Variants in BDNF observed in about 807,000 individuals in gnomAD.
The protein encoded by BDNF is neurotrophic factor BDNF precursor form.
In BDNF, 1 loss-of-function variant was observed where a neutral mutation model predicts 19.5. The ratio of observed to expected loss-of-function variants is 0.05; its 90% CI spans 0.02 to 0.24. The LOEUF (loss-of-function observed/expected upper bound fraction) is 0.24, where lower values mean the gene tolerates loss of function less well. BDNF is among the 10% of genes least tolerant of loss of function. The pLI, the probability that BDNF is intolerant of heterozygous loss-of-function variation, is 1.00. For missense variants in BDNF, 195 were observed against 317.6 expected, an observed-to-expected ratio of 0.61 and a Z score of 2.93; for synonymous variants, 100 against 121.6, an observed-to-expected ratio of 0.82 and a Z score of 1.17.
intron 1 of BDNF, chr11:27,719,541 G>A (rs924448334): frequency 6.1e-6 from 6 of 985,336 alleles, no homozygotes; most frequent in Non-Finnish European, 7.2e-6. Context: ...GGCCCGGCTG[G>A]GGAGCGGAGC....
At chr11:27,669,286 C>A (rs1397837073) in intron 1 of BDNF, among the ~76,000 whole-genome samples, 1 of 152,112 alleles carries the variant, frequency 6.6e-6, no homozygotes, top group East Asian at 1.9e-4. Context: ...CACGACAAAC[C>A]CACAGCCAAT....
At chr11:27,677,895 C>T (rs1856378532) in intron 1 of BDNF, 1 of 152,150 alleles carries the variant, frequency 6.6e-6, no homozygotes. Context: ...AGTTCCTTTG[C>T]TTGTTTTTCC....
Position 27,710,201 on chromosome 11 carries a change from G to A in BDNF, c.3+11211C>T, listed in dbSNP as rs551155564. Reference sequence around the variant, plus strand: ...GGATGAAGTCTCTTCATAGACTTCCGCATCTTTGATTACTTATATGCCTTT... The same window carrying A: ...GGATGAAGTCTCTTCATAGACTTCCACATCTTTGATTACTTATATGCCTTT... On this transcript the variant is annotated intron_variant, in intron 1 of 1. Transcript: ENST00000314915. Among the ~76,000 whole-genome samples the A allele has an allele frequency of 6.0e-4, 92 of 152,272 alleles. No individual in the cohort carries two copies. The South Asian group carries it at 0.016, about 27-fold the overall frequency.
rs1244729495 is a variant in BDNF at position 27,692,131 on chromosome 11, T to C, written c.-22+8033A>G. On this transcript the variant is annotated intron_variant, in intron 1 of 1. Coordinates refer to ENST00000356660, the MANE Select transcript of BDNF (RefSeq NM_001709.5). ...GGGATTTCTGATACTCAATTCATGA[T>C]GCTAAACACTTCAAGTAGATGATTC... Among the ~76,000 whole-genome samples, 4 of 152,196 alleles carry C rather than the reference T, an allele frequency of 2.6e-5. No homozygotes were observed. In the East Asian group the frequency reaches 7.7e-4, roughly 29 times the overall value.
chr11:27,715,110 G>A (rs1860464809), intron 1 of BDNF, among the ~76,000 whole-genome samples: 1 of 152,136 alleles, frequency 6.6e-6, no homozygotes. Context: ...CAAATTATGT[G>A]TTGCCAATTA....
intron 1 of BDNF, among the ~76,000 whole-genome samples, chr11:27,693,263 A>G (rs188479452): frequency 0.011 from 1,724 of 152,314 alleles, 98 homozygotes; most frequent in Admixed American, 0.097. Context: ...AGCTATGATA[A>G]CAGCCTCTTG....
chr11:27,689,386 G>A (rs140478137), intron 1 of BDNF, among the ~76,000 whole-genome samples: 2 of 152,308 alleles, frequency 1.3e-5, no homozygotes, highest in African/African-American at 4.8e-5. Flanking sequence ...AGAGTTATTT[G>A]TAGGATCAAA....
intron 1 of BDNF, among the ~76,000 whole-genome samples, chr11:27,692,192 G>A (rs765144210): frequency 1.3e-5 from 2 of 152,152 alleles, no homozygotes; most frequent in African/African-American, 4.8e-5. Context: ...CATTAGGATT[G>A]TTTATGGACT....
chr11:27,713,256 C>A (rs138605966), intron 1 of BDNF, among the ~76,000 whole-genome samples: 2 of 152,186 alleles, frequency 1.3e-5, no homozygotes, highest in Non-Finnish European at 2.9e-5. Flanking sequence ...AAGTCCTTAG[C>A]GGAGGAGGAA....
At position 27,688,246 on chromosome 11, in the gene BDNF, G is replaced by A. The variant is rs530615886; in HGVS notation, c.-22+11918C>T. ...GCCTACTCAAGCCTCAGTAATGGCG[G>A]ATGCCCCTCCCCCGACCAAGCTGGA... On this transcript the variant is annotated intron_variant, in intron 1 of 1. Coordinates refer to ENST00000356660, the MANE Select transcript of BDNF (RefSeq NM_001709.5). Among the ~76,000 whole-genome samples, 6 of 152,316 alleles carry A rather than the reference G, an allele frequency of 3.9e-5. No homozygotes were observed. In the East Asian group the frequency reaches 1.2e-3, roughly 29 times the overall value.
chr11:27,685,433 T>C (rs113816920), intron 1 of BDNF, among the ~76,000 whole-genome samples: 1 of 152,196 alleles, frequency 6.6e-6, no homozygotes, highest in Non-Finnish European at 1.5e-5. Flanking sequence ...TTTCTTGTCT[T>C]CTGCTAGCTT....
intron 1 of BDNF, among the ~76,000 whole-genome samples, chr11:27,671,990 C>T (rs539552887): frequency 2.0e-5 from 3 of 152,276 alleles, no homozygotes; most frequent in South Asian, 2.1e-4. Context: ...GCGTGTCATA[C>T]GGTTACCTGT....
chr11:27,699,002 A>G (rs1227674754), intron 1 of BDNF, among the ~76,000 whole-genome samples: 2 of 152,056 alleles, frequency 1.3e-5, no homozygotes, highest in African/African-American at 4.8e-5. Context: ...CGCCCCACCG[A>G]GCTGGAGTCA....
intron 1 of BDNF, among the ~76,000 whole-genome samples, chr11:27,709,151 A>G (rs895734394): frequency 3.3e-5 from 5 of 152,162 alleles, no homozygotes; most frequent in African/African-American, 4.8e-5. Flanking sequence ...TTATTTCTTG[A>G]TCACTTTAGG....
chr11:27,655,214 A>G lies in BDNF; in HGVS notation c.*2607T>C, dbSNP rs1224344782. 1 of 152,514 alleles carries G rather than the reference A, an allele frequency of 6.6e-6. No homozygotes were observed. Among genetic ancestry groups the G allele is most frequent in the Non-Finnish European group, 1.5e-5 (1 of 68,046 alleles). 9.4% of individuals were successfully genotyped at this position (152,514 alleles called of 1,614,324 possible). On this transcript the variant is annotated 3_prime_UTR_variant, in exon 2 of 2. Coordinates refer to ENST00000356660, the MANE Select transcript of BDNF (RefSeq NM_001709.5). ...CATGCATGAAACACTTCTGCCACAA[A>G]GAGACCACAGCAAGACTTTAAAAAA...
chr11:27,676,242 A>G (rs1856092637), intron 1 of BDNF: 1 of 152,220 alleles, frequency 6.6e-6, no homozygotes. Flanking sequence ...TAGACTGGAT[A>G]CAGTCATCAA....
chr11:27,670,931 C>G (rs1855253157), intron 1 of BDNF, among the ~76,000 whole-genome samples: 1 of 152,198 alleles, frequency 6.6e-6, no homozygotes, highest in African/African-American at 2.4e-5. Context: ...GATTATAAAT[C>G]ATGCTACTAT....
At chr11:27,680,679 G>A (rs1856737837) in intron 1 of BDNF, among the ~76,000 whole-genome samples, 1 of 152,096 alleles carries the variant, frequency 6.6e-6, no homozygotes, top group Non-Finnish European at 1.5e-5. Context: ...AAATATTCTT[G>A]CTTTTAAAGG....
At chr11:27,660,334 T>G in intron 1 of BDNF, 1 of 654,158 alleles carries the variant, frequency 1.5e-6, no homozygotes, top group Non-Finnish European at 2.3e-6. Flanking sequence ...GCAAACATGC[T>G]TAGAACTGCT....
Sources: gnomAD v4.1 joint callset for allele counts (sites outside exome capture counted in the v4.1 genomes callset) on GRCh38, gnomAD v4.1.1 for gene constraint, MANE v1.5 for transcripts, NCBI Gene and HGNC (gene_info 2026-07-23, HGNC 2026-07-21) for gene names.